KLF17: variants seen among roughly 807,000 people sequenced by gnomAD.
KLF17 encodes the protein KLF transcription factor 17.
A neutral mutation model predicts 34.2 loss-of-function variants in KLF17; 31 were observed. That is an observed-to-expected ratio of 0.91 (90% confidence interval 0.68 to 1.22). The LOEUF (loss-of-function observed/expected upper bound fraction) is 1.22, where lower values mean the gene tolerates loss of function less well. Ranked by LOEUF, KLF17 falls within the 50% of genes most tolerant of loss-of-function variation. KLF17 has a pLI of 0.00. For synonymous variants in KLF17, 179 were observed against 186.7 expected, an observed-to-expected ratio of 0.96 and a Z score of 0.34; for missense variants, 478 against 505.2, an observed-to-expected ratio of 0.95 and a Z score of 0.52.
chr1:44,089,146 G>T, the KLF17 span, among the ~76,000 whole-genome samples: 8 of 152,150 alleles, frequency 5.3e-5, no homozygotes, highest in African/African-American at 1.2e-4. Context: ...GGTACACTGT[G>T]TTGGGGGAAA....
the KLF17 span, among the ~76,000 whole-genome samples, chr1:44,099,861 GAAAGAAAGA>G: frequency 2.0e-5 from 2 of 100,712 alleles, no homozygotes; most frequent in Non-Finnish European, 4.1e-5. Context: ...AAGAAAGAAA[GAAAGAAAGA>G]AAGAAAGAAA....
chr1:44,087,727 TA>T, the KLF17 span, among the ~76,000 whole-genome samples: 167 of 55,766 alleles, frequency 3.0e-3, no homozygotes, highest in Non-Finnish European at 4.0e-3. Flanking sequence ...ATATATTTTA[TA>T]TATATATATA....
chr1:44,062,551 A>T, the KLF17 span, among the ~76,000 whole-genome samples: 11,541 of 125,606 alleles, frequency 0.092, 842 homozygotes, highest in African/African-American at 0.22. Context: ...AAAAATAAAT[A>T]AATTAATTAA....
chr1:44,046,606 T>C, the KLF17 span, among the ~76,000 whole-genome samples: 3 of 152,062 alleles, frequency 2.0e-5, no homozygotes, highest in Non-Finnish European at 4.4e-5. Context: ...AAGTAGATAC[T>C]ATATGTTCTT....
At chr1:44,070,339 C>T in the KLF17 span, among the ~76,000 whole-genome samples, 1 of 152,018 alleles carries the variant, frequency 6.6e-6, no homozygotes, top group Non-Finnish European at 1.5e-5. Context: ...CATCATCCAC[C>T]CCCCTCCACC....
the KLF17 span, among the ~76,000 whole-genome samples, chr1:44,055,314 T>C: frequency 6.6e-6 from 1 of 152,136 alleles, no homozygotes; most frequent in Non-Finnish European, 1.5e-5. Context: ...GCCTACTCAG[T>C]TGTAACCCAT....
the KLF17 span, among the ~76,000 whole-genome samples, chr1:44,078,599 G>A: frequency 2.6e-5 from 4 of 152,060 alleles, no homozygotes; most frequent in Admixed American, 1.3e-4. Context: ...CAGTACGCCC[G>A]GCTAATTTTT....
the KLF17 span, among the ~76,000 whole-genome samples, chr1:44,072,279 T>C: frequency 2.0e-5 from 3 of 151,822 alleles, no homozygotes; most frequent in Non-Finnish European, 2.9e-5. Flanking sequence ...CAGTTTTAGA[T>C]GTGTTAATGG....
At chr1:44,097,622 G>A in the KLF17 span, among the ~76,000 whole-genome samples, 1 of 152,000 alleles carries the variant, frequency 6.6e-6, no homozygotes, top group Admixed American at 6.6e-5. Flanking sequence ...AAAAATTTGT[G>A]GGTACATTAT....
At chr1:44,090,576 G>T in the KLF17 span, among the ~76,000 whole-genome samples, 41 of 152,166 alleles carry the variant, frequency 2.7e-4, no homozygotes, top group African/African-American at 9.6e-4. Flanking sequence ...GCAGGCCAAA[G>T]ATTGATCTGA....
chr1:44,056,891 C>T, the KLF17 span, among the ~76,000 whole-genome samples: 1 of 151,946 alleles, frequency 6.6e-6, no homozygotes, highest in Non-Finnish European at 1.5e-5. Context: ...AGGTCACTTA[C>T]TTAAATATCA....
chr1:44,069,702 C>T, the KLF17 span, among the ~76,000 whole-genome samples: 4 of 152,204 alleles, frequency 2.6e-5, no homozygotes, highest in Admixed American at 2.0e-4. This position sits in a 1 kb window ranked among gnomAD's most constrained non-coding sequence, Gnocchi z 4.7. Flanking sequence ...GGGATGAACA[C>T]CTACACCATA....
the KLF17 span, among the ~76,000 whole-genome samples, chr1:44,108,402 G>A: frequency 1.3e-5 from 2 of 152,056 alleles, no homozygotes; most frequent in Non-Finnish European, 2.9e-5. Flanking sequence ...CTGGTTATTG[G>A]CTAGGGTTGT....
rs1419374003 is a variant in KLF17 at position 44,134,978 on chromosome 1, G to A, written c.*1741G>A. ...CTATCATACCTGCAAAAAATATTTTGTATATATCCAATTTAATAATAAATG... is the reference window on the plus strand; with the variant it reads ...CTATCATACCTGCAAAAAATATTTTATATATATCCAATTTAATAATAAATG... On this transcript the variant is annotated 3_prime_UTR_variant, in exon 4 of 4. Coordinates refer to ENST00000372299, the MANE Select transcript of KLF17 (RefSeq NM_173484.4). 6.6e-6 allele frequency: 1 copy of A among 151,760 alleles called. No homozygotes were observed. Among genetic ancestry groups the A allele is most frequent in the Non-Finnish European group, 1.5e-5 (1 of 67,982 alleles). 9.4% of individuals were successfully genotyped at this position (151,760 alleles called of 1,614,324 possible). A position where few individuals can be genotyped will look rare whatever the true frequency, so the allele number is the denominator to read the frequency against.
the KLF17 span, among the ~76,000 whole-genome samples, chr1:44,067,056 C>A: frequency 6.6e-6 from 1 of 152,120 alleles, no homozygotes; most frequent in African/African-American, 2.4e-5. Flanking sequence ...ACATTTAACT[C>A]TTGGGATGAG....
the KLF17 span, among the ~76,000 whole-genome samples, chr1:44,065,365 G>A: frequency 4.0e-5 from 6 of 149,670 alleles, no homozygotes; most frequent in Non-Finnish European, 5.9e-5. Flanking sequence ...TAAAATTGTC[G>A]GCATAATAGT....
chr1:44,063,160 T>C, the KLF17 span, among the ~76,000 whole-genome samples: 30 of 152,178 alleles, frequency 2.0e-4, no homozygotes, highest in Non-Finnish European at 2.4e-4. Context: ...CACTGTATGA[T>C]TGCAATTATA....
At chr1:44,093,167 T>G in the KLF17 span, among the ~76,000 whole-genome samples, 49,407 of 151,994 alleles carry the variant, frequency 0.33, 8,185 homozygotes, top group South Asian at 0.38. Flanking sequence ...AAGAGAAAAG[T>G]GTTGGGAAGA....
At chr1:44,124,716 G>A (rs1279325477) in intron 1 of KLF17, among the ~76,000 whole-genome samples, 3 of 152,042 alleles carry the variant, frequency 2.0e-5, no homozygotes, top group Non-Finnish European at 4.4e-5. Context: ...GGCTTGTCTC[G>A]AACTCCTGAC....
Sources: gnomAD v4.1 joint callset for allele counts (sites outside exome capture counted in the v4.1 genomes callset) on GRCh38, gnomAD v4.1.1 for gene constraint, Gnocchi (gnomAD v3.1) non-coding constraint, MANE v1.5 for transcripts, NCBI Gene and HGNC (gene_info 2026-07-23, HGNC 2026-07-21) for gene names.